CFAP97D2: variants seen among roughly 807,000 people sequenced by gnomAD.
CFAP97D2 encodes the protein uncharacterized protein CFAP97D2.
At chr13:114,210,855 T>TACACACACAC (rs34230424) in intron 3 of CFAP97D2, among the ~76,000 whole-genome samples, 3,265 of 144,920 alleles carry the variant, frequency 0.023, 76 homozygotes, top group East Asian at 0.088. Flanking sequence ...ATTTCATTGA[T>TACACACACAC]ACACACACAC....
At chr13:114,192,157 G>C (rs1262473370) in intron 1 of CFAP97D2, among the ~76,000 whole-genome samples, 3 of 152,152 alleles carry the variant, frequency 2.0e-5, no homozygotes, top group Non-Finnish European at 4.4e-5. Flanking sequence ...ACGGATACCT[G>C]TTATTGTACA....
chr13:114,184,012 A>G (rs1460732782), intron 1 of CFAP97D2, among the ~76,000 whole-genome samples: 2 of 152,194 alleles, frequency 1.3e-5, no homozygotes, highest in African/African-American at 2.4e-5. Context: ...TTAGCTGGGC[A>G]TGGTAGTATA....
At position 114,219,957 on chromosome 13, in the gene CFAP97D2, C is replaced by T. The variant is rs369161574; in HGVS notation, c.481-2541C>T. 6.6e-5 allele frequency among the ~76,000 whole-genome samples: 10 copies of T among 151,968 alleles called. No individual in the cohort carries two copies. In the East Asian group the frequency reaches 9.7e-4, roughly 15 times the overall value. On this transcript the variant is annotated intron_variant, in intron 4 of 4. Coordinates refer to ENST00000646158, the Ensembl canonical transcript of CFAP97D2. The stretch of plus-strand genomic sequence containing the variant: ...GGTCTGCAGTTTTGAACTACTGGAA[C>T]GTGAATGCGTCTCTCGGTGGTGCTT...
chr13:114,212,933 C>T (rs928765360), intron 4 of CFAP97D2, among the ~76,000 whole-genome samples: 3 of 152,122 alleles, frequency 2.0e-5, no homozygotes, highest in African/African-American at 7.2e-5. Context: ...AGCTGTCCCA[C>T]AGAATCCAAA....
At chr13:114,192,340 T>C (rs1208301750) in intron 1 of CFAP97D2, among the ~76,000 whole-genome samples, 1 of 152,172 alleles carries the variant, frequency 6.6e-6, no homozygotes, top group Non-Finnish European at 1.5e-5. Flanking sequence ...AGAGGGTATA[T>C]GGGAAATATC....
At chr13:114,214,019 AGCT>A (rs1566616692) in intron 4 of CFAP97D2, 1 of 153,298 alleles carries the variant, frequency 6.5e-6, no homozygotes, top group Non-Finnish European at 1.5e-5. Context: ...CCCGTGTACA[AGCT>A]CCTAACCCTA....
At chr13:114,180,845 C>T (rs1471921737) in intron 1 of CFAP97D2, among the ~76,000 whole-genome samples, 1 of 152,204 alleles carries the variant, frequency 6.6e-6, no homozygotes, top group Non-Finnish European at 1.5e-5. Flanking sequence ...GGTCAGTAAT[C>T]CTGCAGCCTA....
At chr13:114,208,702 T>G (rs921952228) in intron 3 of CFAP97D2, among the ~76,000 whole-genome samples, 2 of 152,214 alleles carry the variant, frequency 1.3e-5, no homozygotes, top group African/African-American at 4.8e-5. Context: ...ACGCAATTGC[T>G]TTCCTATCCA....
intron 1 of CFAP97D2, among the ~76,000 whole-genome samples, chr13:114,193,450 C>G (rs1191903817): frequency 6.6e-6 from 1 of 152,020 alleles, no homozygotes; most frequent in Non-Finnish European, 1.5e-5. Flanking sequence ...GCACTGGCAG[C>G]TGGTGTCTGG....
rs1353469419 is a variant in CFAP97D2 at position 114,186,324 on chromosome 13, G to C, written c.90+6904G>C. Among the ~76,000 whole-genome samples the C allele has an allele frequency of 3.3e-5, 5 of 152,206 alleles. No individual in the cohort carries two copies. The East Asian group carries it at 9.6e-4, about 29-fold the overall frequency. ...AGCTGAACACTTGTCAGGATACCGT[G>C]GCTATGGAGAGGAGCTGCCCACTGT... On this transcript the variant is annotated intron_variant, in intron 1 of 4. Coordinates refer to ENST00000646158, the Ensembl canonical transcript of CFAP97D2. This position sits in a 1 kb window ranked among gnomAD's most constrained non-coding sequence, Gnocchi z 4.3.
chr13:114,182,201 A>G (rs370014087), intron 1 of CFAP97D2, among the ~76,000 whole-genome samples: 9,405 of 115,874 alleles, frequency 0.081, 1,295 homozygotes, highest in Non-Finnish European at 0.12. Flanking sequence ...GTCGTAATTA[A>G]GTTCAAGGGA....
intron 3 of CFAP97D2, among the ~76,000 whole-genome samples, chr13:114,205,968 G>A (rs1462827969): frequency 6.6e-6 from 1 of 152,234 alleles, no homozygotes; most frequent in African/African-American, 2.4e-5. Flanking sequence ...GAAGCTATGG[G>A]GAGTAGAGCC....
chr13:114,190,966 A>G (rs1176469115), intron 1 of CFAP97D2, among the ~76,000 whole-genome samples: 1 of 152,232 alleles, frequency 6.6e-6, no homozygotes, highest in Non-Finnish European at 1.5e-5. Flanking sequence ...AACAAAGGCA[A>G]TACAGTAGAG....
At chr13:114,190,130 A>C (rs1482789692) in intron 1 of CFAP97D2, among the ~76,000 whole-genome samples, 7 of 151,082 alleles carry the variant, frequency 4.6e-5, no homozygotes. Context: ...AGACAGAGGG[A>C]GGCCCCGTCT....
chr13:114,188,158 C>T (rs59770543), intron 1 of CFAP97D2, among the ~76,000 whole-genome samples: 8,272 of 151,696 alleles, frequency 0.055, 315 homozygotes, highest in African/African-American at 0.11. Context: ...GTAGTGCATG[C>T]CTGAGGTCCC....
At chr13:114,217,600 G>A (rs556921624) in intron 4 of CFAP97D2, among the ~76,000 whole-genome samples, 1 of 152,140 alleles carries the variant, frequency 6.6e-6, no homozygotes, top group Non-Finnish European at 1.5e-5. Flanking sequence ...CAATATCCCT[G>A]GTGAACATCA....
chr13:114,198,248 G>A lies in CFAP97D2; in HGVS notation c.171+1772G>A, dbSNP rs566968085. Among the ~76,000 whole-genome samples the A allele has an allele frequency of 9.9e-4, 150 of 152,202 alleles. 3 individuals carry two copies. The highest frequency in any genetic ancestry group is 1.2e-3 in the Non-Finnish European group (81 of 68,044). On this transcript the variant is annotated intron_variant, in intron 2 of 4. Coordinates refer to ENST00000646158, the Ensembl canonical transcript of CFAP97D2. ...GAAGTTTACCTCATTTGGTGATTGA[G>A]AATTGCATGGTTATCTCGAAGTAAT...
chr13:114,212,009 C>T (rs1327354181), exon 4 of CFAP97D2: 3 of 398,624 alleles, frequency 7.5e-6, no homozygotes, highest in Non-Finnish European at 1.3e-5. Flanking sequence ...TGGTATGGAG[C>T]TCAAAGGTGG....
intron 4 of CFAP97D2, among the ~76,000 whole-genome samples, chr13:114,219,505 T>C (rs1232807542): frequency 3.3e-5 from 5 of 152,132 alleles, no homozygotes; most frequent in Non-Finnish European, 1.5e-5. Context: ...AGGAAACAGA[T>C]AAAGCCCACC....
Sources: allele counts gnomAD v4.1 joint callset (sites outside exome capture counted in the v4.1 genomes callset), GRCh38; gene constraint gnomAD v4.1.1; non-coding constraint Gnocchi (gnomAD v3.1); transcripts MANE v1.5; gene names NCBI Gene and HGNC (gene_info 2026-07-23, HGNC 2026-07-21).